Variants in MIS18A observed in about 807,000 individuals in gnomAD.
MIS18A encodes MIS18 kinetochore protein A.
MIS18A carries 14 observed loss-of-function variants against 25.0 expected under a neutral mutation model. That is an observed-to-expected ratio of 0.56 (90% CI 0.37 to 0.88). The LOEUF (loss-of-function observed/expected upper bound fraction) is 0.88, where lower values mean the gene tolerates loss of function less well. Among genes scored for constraint, MIS18A ranks in the 40% least tolerant of loss-of-function variants. The probability of loss-of-function intolerance (pLI) is 0.00; values close to 1 mark genes in which losing one functional copy is unlikely to be tolerated. For missense variants in MIS18A, 292 were observed against 290.8 expected, an observed-to-expected ratio of 1.00 and a Z score of -0.03; for synonymous variants, 134 against 118.6, an observed-to-expected ratio of 1.13 and a Z score of -0.84.
intron 1 of MIS18A, among the ~76,000 whole-genome samples, chr21:32,277,221 A>T (rs556214208): frequency 6.6e-6 from 1 of 152,218 alleles, no homozygotes; most frequent in Non-Finnish European, 1.5e-5. Flanking sequence ...ACTATTTTAG[A>T]ACTATGTTTT....
chr21:32,242,162 G>A, the MIS18A span, among the ~76,000 whole-genome samples: 77 of 152,356 alleles, frequency 5.1e-4, no homozygotes, highest in African/African-American at 1.8e-3. Flanking sequence ...TTACAGGCGC[G>A]AGCCATCGCG....
chr21:32,269,099 C>T lies in MIS18A; in HGVS notation c.640G>A (p.Ala214Thr), dbSNP rs2031665086. 6.2e-7 allele frequency: 1 copy of T among 1,603,102 alleles called. No individual in the cohort carries two copies. Among genetic ancestry groups the T allele is most frequent in the African/African-American group, 1.3e-5 (1 of 74,690 alleles). Residue 214 changes from alanine (A) to threonine (T), a missense_variant, in exon 5 of 5, where the codon GCA becomes ACA. Ala to Thr is a moderately conservative substitution (Grantham distance 58). Coordinates refer to ENST00000290130, the MANE Select transcript of MIS18A (RefSeq NM_018944.3). ...SLTQMEDVLK[A>T]LQMKLWEAES... The stretch of plus-strand genomic sequence containing the variant: ...GCCTCCCACAGCTTCATTTGTAATG[C>T]TTTCAAGACATCTTCCATCTATTGA...
the MIS18A span, among the ~76,000 whole-genome samples, chr21:32,208,243 T>G: frequency 6.6e-6 from 1 of 152,158 alleles, no homozygotes. Flanking sequence ...CCCCACCAAA[T>G]CTCTTGTCGA....
At chr21:32,221,971 G>A in the MIS18A span, among the ~76,000 whole-genome samples, 7 of 152,128 alleles carry the variant, frequency 4.6e-5, no homozygotes, top group South Asian at 4.2e-4. Context: ...TGGGCTAAAC[G>A]TCCCAATTAA....
At chr21:32,209,939 G>A in the MIS18A span, among the ~76,000 whole-genome samples, 7 of 152,166 alleles carry the variant, frequency 4.6e-5, no homozygotes, top group African/African-American at 4.8e-5. Context: ...TCTTGGGTAT[G>A]TCTTTATAGC....
At chr21:32,250,721 G>A in the MIS18A span, among the ~76,000 whole-genome samples, 1 of 152,204 alleles carries the variant, frequency 6.6e-6, no homozygotes, top group Admixed American at 6.5e-5. Context: ...CCCTTGGACA[G>A]CACCCATCCC....
chr21:32,176,469 T>C, the MIS18A span, among the ~76,000 whole-genome samples: 1 of 152,226 alleles, frequency 6.6e-6, no homozygotes, highest in Admixed American at 6.5e-5. Flanking sequence ...TAGGAAATCT[T>C]CAAATATTTG....
the MIS18A span, among the ~76,000 whole-genome samples, chr21:32,250,960 T>G: frequency 2.6e-5 from 4 of 152,182 alleles, no homozygotes; most frequent in Admixed American, 6.5e-5. Flanking sequence ...GATGGTTACC[T>G]CCATGCTATT....
the MIS18A span, among the ~76,000 whole-genome samples, chr21:32,158,020 G>C: frequency 1.3e-5 from 2 of 152,130 alleles, no homozygotes; most frequent in East Asian, 3.8e-4. Context: ...ATCTGAGCTA[G>C]TGTTTACCAA....
At chr21:32,178,662 CT>C in the MIS18A span, among the ~76,000 whole-genome samples, 187 of 152,180 alleles carry the variant, frequency 1.2e-3, no homozygotes, top group African/African-American at 4.2e-3. Flanking sequence ...TCTTCTTTGT[CT>C]TGGTCTTTGA....
downstream of MIS18A, among the ~76,000 whole-genome samples, chr21:32,265,294 T>C (rs1435849762): frequency 1.3e-5 from 2 of 152,182 alleles, no homozygotes; most frequent in Non-Finnish European, 2.9e-5. Context: ...TGGCCAAGGC[T>C]GGAGCCCACT....
At chr21:32,206,172 C>T in the MIS18A span, among the ~76,000 whole-genome samples, 1 of 152,160 alleles carries the variant, frequency 6.6e-6, no homozygotes, top group Non-Finnish European at 1.5e-5. Context: ...TCAGGCACCA[C>T]CTAATAGGTC....
At chr21:32,169,644 G>A in the MIS18A span, among the ~76,000 whole-genome samples, 1 of 152,086 alleles carries the variant, frequency 6.6e-6, no homozygotes, top group African/African-American at 2.4e-5. Context: ...AGGCAGAATT[G>A]TAAGCCACTG....
the MIS18A span, among the ~76,000 whole-genome samples, chr21:32,252,233 A>AGG: frequency 9.3e-5 from 5 of 53,862 alleles, no homozygotes; most frequent in African/African-American, 3.1e-4. Flanking sequence ...GAAGAAGAAG[A>AGG]AGAAGAAGGA....
chr21:32,218,852 G>A, the MIS18A span, among the ~76,000 whole-genome samples: 1 of 152,096 alleles, frequency 6.6e-6, no homozygotes, highest in African/African-American at 2.4e-5. Flanking sequence ...ATCACCTGAT[G>A]TCAGGAGTTC....
the MIS18A span, among the ~76,000 whole-genome samples, chr21:32,192,997 A>G: frequency 2.6e-5 from 4 of 152,232 alleles, no homozygotes; most frequent in Non-Finnish European, 5.9e-5. Flanking sequence ...CTGTGGACAC[A>G]CGGGAAAACA....
At chr21:32,262,837 G>T in the MIS18A span, among the ~76,000 whole-genome samples, 1 of 152,034 alleles carries the variant, frequency 6.6e-6, no homozygotes, top group African/African-American at 2.4e-5. Flanking sequence ...TCACATTTAG[G>T]CCAATAAAAC....
At chr21:32,269,276 A>T (rs775251794) in intron 4 of MIS18A, among the ~76,000 whole-genome samples, 159 bp from the exon 5 acceptor site, 4 of 152,216 alleles carry the variant, frequency 2.6e-5, no homozygotes, top group Non-Finnish European at 5.9e-5. Flanking sequence ...AGAGGCATAA[A>T]TTTTTTAAAA....
chr21:32,273,754 T>C (rs546153020), intron 2 of MIS18A, among the ~76,000 whole-genome samples: 5 of 152,328 alleles, frequency 3.3e-5, no homozygotes, highest in Admixed American at 3.3e-4. Flanking sequence ...CTTTATTTGA[T>C]AGGATACTCT....
Sources: allele counts gnomAD v4.1 joint callset (sites outside exome capture counted in the v4.1 genomes callset), GRCh38; gene constraint gnomAD v4.1.1; transcripts MANE v1.5; gene names NCBI Gene and HGNC (gene_info 2026-07-23, HGNC 2026-07-21).